Variants in DMD observed in about 807,000 individuals in gnomAD.
DMD encodes mutant dystrophin.
A neutral mutation model predicts 330.1 loss-of-function variants in DMD; 63 were observed. The ratio of observed to expected loss-of-function variants is 0.19; its 90% CI spans 0.16 to 0.24. The LOEUF is 0.24. Among genes scored for constraint, DMD ranks in the 10% least tolerant of loss-of-function variants. The probability of loss-of-function intolerance (pLI) is 1.00; values close to 1 mark genes in which losing one functional copy is unlikely to be tolerated. For synonymous variants in DMD, 1,223 were observed against 959.8 expected (o/e 1.27, Z -5.07); for missense variants, 3,344 against 2,684.1 (o/e 1.25, Z -5.43).
At chrX:31,661,206 T>C (rs1485651876) in intron 53 of DMD, among the ~76,000 whole-genome samples, 2 of 112,068 alleles carry the variant, frequency 1.8e-5, no homozygotes, top group Non-Finnish European at 3.8e-5. Context: ...AGGACTGTTA[T>C]ACCTAAGGAA....
At chrX:31,531,021 C>A (rs1396791583) in intron 55 of DMD, among the ~76,000 whole-genome samples, 1 of 94,308 alleles carries the variant, frequency 1.1e-5, no homozygotes, top group Non-Finnish European at 2.0e-5. Flanking sequence ...TTTTTTATGG[C>A]TGCATAGTAT....
rs545689776 is a variant in DMD, at chrX:31,179,990, A to C, written c.10086+380T>G. ...GTGAGCAACATTGATTAAAAGTGGT[A>C]GTTTATGAATTTGGGGGAACCTAGA... On this transcript the variant is annotated intron_variant, in intron 69 of 78. Coordinates refer to ENST00000357033, the MANE Select transcript of DMD (RefSeq NM_004006.3). 9.7e-4 allele frequency among the ~76,000 whole-genome samples: 109 copies of C among 111,935 alleles called. 1 individual carries two copies. In the South Asian group the frequency reaches 0.04, roughly 41 times the overall value.
At chrX:31,733,576 A>C (rs2086660714) in intron 51 of DMD, among the ~76,000 whole-genome samples, 1 of 111,910 alleles carries the variant, frequency 8.9e-6, no homozygotes, top group Non-Finnish European at 1.9e-5. Flanking sequence ...CAACTTCAAA[A>C]AATTAATATA....
chrX:33,176,058 G>A (rs1449264768), intron 1 of DMD, among the ~76,000 whole-genome samples: 2 of 111,215 alleles, frequency 1.8e-5, no homozygotes, highest in Non-Finnish European at 3.8e-5. Flanking sequence ...GAGCTATATC[G>A]TGCTCTCATC....
intron 9 of DMD, among the ~76,000 whole-genome samples, chrX:32,682,753 G>A (rs1367311705): frequency 1.8e-5 from 2 of 111,700 alleles, no homozygotes; most frequent in African/African-American, 3.3e-5. Flanking sequence ...CATGTAATAC[G>A]AATATATTTC....
intron 16 of DMD, among the ~76,000 whole-genome samples, chrX:32,557,656 C>T (rs2050458439): frequency 1.8e-5 from 2 of 111,833 alleles, no homozygotes; most frequent in African/African-American, 6.5e-5. Context: ...ACCAACTCCA[C>T]AGGCATGGTA....
At chrX:31,604,851 A>G (rs905344762) in intron 55 of DMD, among the ~76,000 whole-genome samples, 6 of 111,682 alleles carry the variant, frequency 5.4e-5, no homozygotes, top group African/African-American at 1.3e-4. Flanking sequence ...GTATTCATCA[A>G]TAAAAGGTGC....
chrX:31,456,371 G>C (rs1027183991), intron 59 of DMD, among the ~76,000 whole-genome samples: 1 of 112,023 alleles, frequency 8.9e-6, no homozygotes, highest in African/African-American at 3.2e-5. Context: ...ATCCATGAGA[G>C]AGTCACAGAC....
intron 46 of DMD, among the ~76,000 whole-genome samples, chrX:31,931,875 T>TAC (rs1051547809): frequency 3.6e-5 from 4 of 110,653 alleles, no homozygotes; most frequent in South Asian, 3.8e-4. Flanking sequence ...TATATATAAA[T>TAC]ACACACACAC....
At chrX:32,082,379 C>T (rs761877618) in intron 44 of DMD, among the ~76,000 whole-genome samples, 8 of 101,514 alleles carry the variant, frequency 7.9e-5, no homozygotes, top group African/African-American at 2.9e-4. Flanking sequence ...CAGGGGCACA[C>T]TACCTCGCCC....
At chrX:31,572,718 A>T (rs1409097807) in intron 55 of DMD, among the ~76,000 whole-genome samples, 4 of 111,861 alleles carry the variant, frequency 3.6e-5, no homozygotes, top group Non-Finnish European at 7.5e-5. Flanking sequence ...TGGCTTGATA[A>T]TGCATTTTTT....
chrX:32,324,056 A>G (rs2097636772), intron 41 of DMD, among the ~76,000 whole-genome samples: 1 of 111,007 alleles, frequency 9.0e-6, no homozygotes, highest in South Asian at 3.8e-4. Flanking sequence ...AGTTGCATAG[A>G]AAGAGTAAGT....
chrX:31,784,133 A>G (rs2091169816), intron 50 of DMD, among the ~76,000 whole-genome samples: 1 of 112,417 alleles, frequency 8.9e-6, no homozygotes, highest in African/African-American at 3.2e-5. Flanking sequence ...TGAGTAATTA[A>G]TAAGGAATTC....
chrX:31,376,454 A>G (rs943344183), intron 60 of DMD, among the ~76,000 whole-genome samples: 1 of 111,650 alleles, frequency 9.0e-6, no homozygotes, highest in Non-Finnish European at 1.9e-5. Flanking sequence ...CAGGAGAGGG[A>G]CCCATCAAGC....
rs1376122660 is a variant in DMD, at chrX:31,625,292, A to G, written c.8217+2381T>C. ...AAGACGCAAATGTTGAGGTTTTCAG[A>G]GGCTCTATGGGAGTTTTATCTGGAT... On this transcript the variant is annotated intron_variant, in intron 55 of 78. Transcript: ENST00000357033. 3.6e-5 allele frequency among the ~76,000 whole-genome samples: 4 copies of G among 112,011 alleles called. No homozygotes were observed. The Admixed American group carries it at 3.8e-4, about 11-fold the overall frequency.
chrX:32,602,322 C>A (rs1317450990), intron 12 of DMD, among the ~76,000 whole-genome samples: 3 of 108,885 alleles, frequency 2.8e-5, no homozygotes, highest in Non-Finnish European at 5.9e-5. Flanking sequence ...TGCACCCACC[C>A]ATACATTCTG....
At chrX:33,265,804 A>G (rs1380558271) in intron 1 of DMD, among the ~76,000 whole-genome samples, 2 of 111,921 alleles carry the variant, frequency 1.8e-5, no homozygotes, top group East Asian at 5.6e-4. Flanking sequence ...AACTTAATAT[A>G]AGCTTTATCA....
At chrX:32,539,172 C>CTTTTT (rs71980872) in intron 17 of DMD, among the ~76,000 whole-genome samples, 33 of 95,430 alleles carry the variant, frequency 3.5e-4, no homozygotes, top group Admixed American at 3.3e-3. Context: ...ATTTCTATTT[C>CTTTTT]TTTTTTTTTT....
At chrX:31,388,766 G>A (rs890425277) in intron 60 of DMD, among the ~76,000 whole-genome samples, 6 of 111,379 alleles carry the variant, frequency 5.4e-5, no homozygotes, top group Admixed American at 3.8e-4. Flanking sequence ...GCCAGGCATG[G>A]TGGCAGGCAC....
Sources: allele counts gnomAD v4.1 joint callset (sites outside exome capture counted in the v4.1 genomes callset), GRCh38; gene constraint gnomAD v4.1.1; transcripts MANE v1.5; gene names NCBI Gene and HGNC (gene_info 2026-07-23, HGNC 2026-07-21).